The following RIMS1 variants were observed in gnomAD, a reference collection of about 807,000 sequenced individuals.
The protein encoded by RIMS1 is regulating synaptic membrane exocytosis protein 1.
Under a neutral mutation model 214.1 loss-of-function variants are expected in RIMS1, and 83 were observed. The observed-to-expected ratio is 0.39, with a 90% CI of 0.32 to 0.47. The LOEUF (loss-of-function observed/expected upper bound fraction) is 0.47, where lower values mean the gene tolerates loss of function less well. Ranked by LOEUF, RIMS1 falls within the 20% of genes least tolerant of loss-of-function variation. RIMS1 has a pLI of 0.99. For synonymous variants in RIMS1, 793 were observed against 786.8 expected, an observed-to-expected ratio of 1.01 and a Z score of -0.13; for missense variants, 2,050 against 2,161.8, an observed-to-expected ratio of 0.95 and a Z score of 1.03.
chr6:72,044,498 A>G (rs565701892), intron 2 of RIMS1, among the ~76,000 whole-genome samples: 1 of 152,012 alleles, frequency 6.6e-6, no homozygotes, highest in Non-Finnish European at 1.5e-5. Context: ...TAAAAGACAT[A>G]TACCAAAAAT....
rs748965122 is a variant in RIMS1 at position 72,259,036 on chromosome 6, A to T, written c.2978A>T (p.His993Leu). The change falls in exon 18 of 34, where the codon CAC becomes CTC. Residue 993 changes from histidine (H) to leucine (L), a missense_variant. Transcript: ENST00000521978. ...AGAAGGTCACGTTCTCCAACCAGAC[A>T]CCATGATGCCTCCCGAAGTCCAGTT... ...PTRRSRSPTRHHDASRSPVDH... is the reference protein window; with the variant it reads ...PTRRSRSPTRLHDASRSPVDH... 1 of 1,612,386 alleles carries T rather than the reference A, an allele frequency of 6.2e-7. No individual in the cohort carries two copies. Among genetic ancestry groups the T allele is most frequent in the Admixed American group, 1.7e-5 (1 of 59,974 alleles).
intron 2 of RIMS1, 33 bp from the exon 3 acceptor site, chr6:72,096,916 A>G: frequency 6.5e-7 from 1 of 1,545,940 alleles, no homozygotes. Flanking sequence ...TCCACTATTT[A>G]CTTAGTTTGC....
intron 16 of RIMS1, among the ~76,000 whole-genome samples, chr6:72,253,055 T>A (rs749888656): frequency 7.9e-5 from 12 of 152,212 alleles, no homozygotes; most frequent in Non-Finnish European, 1.6e-4. Flanking sequence ...CGTAGAAACA[T>A]GTCTAACTAG....
intron 27 of RIMS1, among the ~76,000 whole-genome samples, chr6:72,311,419 A>G (rs992322905): frequency 1.3e-5 from 2 of 152,228 alleles, no homozygotes; most frequent in Non-Finnish European, 2.9e-5. Context: ...GTTATTAAAT[A>G]TAACTGAATT....
intron 1 of RIMS1, among the ~76,000 whole-genome samples, chr6:71,949,414 T>G (rs762202538): frequency 1.3e-5 from 2 of 152,148 alleles, no homozygotes; most frequent in Non-Finnish European, 2.9e-5. Flanking sequence ...AAATACATTT[T>G]TTGCAAGCAA....
At chr6:72,187,820 T>G (rs1297643891) in intron 6 of RIMS1, among the ~76,000 whole-genome samples, 2 of 152,004 alleles carry the variant, frequency 1.3e-5, no homozygotes, top group Non-Finnish European at 2.9e-5. Context: ...GATTGATATG[T>G]GTATTAGGGT....
intron 2 of RIMS1, among the ~76,000 whole-genome samples, chr6:72,046,805 T>C (rs1041763210): frequency 6.6e-6 from 1 of 152,150 alleles, no homozygotes; most frequent in Admixed American, 6.6e-5. Flanking sequence ...TCTGCGACTA[T>C]TTTAACAACT....
chr6:72,244,097 T>C (rs1283371749), intron 10 of RIMS1, among the ~76,000 whole-genome samples: 1 of 151,682 alleles, frequency 6.6e-6, no homozygotes, highest in East Asian at 1.9e-4. Flanking sequence ...TTATTCATAA[T>C]GTAGTGGCAT....
chr6:71,990,560 C>A (rs1393535333), intron 2 of RIMS1, among the ~76,000 whole-genome samples: 1 of 151,878 alleles, frequency 6.6e-6, no homozygotes, highest in African/African-American at 2.4e-5. Flanking sequence ...TCTCTGTGTG[C>A]CCTGCATGAC....
chr6:72,182,536 C>T lies in RIMS1; in HGVS notation c.1065C>T (p.Tyr355=). Residue 355 remains tyrosine, a synonymous_variant, in exon 6 of 34, where the codon TAC becomes TAT. Transcript: ENST00000521978. Reference sequence around the variant, plus strand: ...AAGAGGAGGATTATCAGACCAGGTACCGCAGCGACCCGAACCTAGCTCGGT... The same window carrying T: ...AAGAGGAGGATTATCAGACCAGGTATCGCAGCGACCCGAACCTAGCTCGGT... The part of the protein sequence containing the change: ...QRKEEDYQTR[Y]RSDPNLARYP... The T allele has an allele frequency of 1.3e-6, 2 of 1,560,274 alleles. No homozygotes were observed. The highest frequency in any genetic ancestry group is 1.7e-6 in the Non-Finnish European group (2 of 1,152,948).
intron 4 of RIMS1, among the ~76,000 whole-genome samples, chr6:72,126,310 A>G (rs1425849163): frequency 1.3e-5 from 2 of 152,224 alleles, no homozygotes; most frequent in African/African-American, 2.4e-5. Context: ...ACCTGAAACC[A>G]TAAGTATTCT....
chr6:72,242,471 TA>T, intron 10 of RIMS1, 34 bp downstream of exon 10: 1 of 1,451,602 alleles, frequency 6.9e-7, no homozygotes, highest in Non-Finnish European at 9.3e-7. Context: ...TTAAGTTTAG[TA>T]AATTACATGT....
At chr6:71,911,997 A>G (rs1156476964) in intron 1 of RIMS1, among the ~76,000 whole-genome samples, 7 of 152,126 alleles carry the variant, frequency 4.6e-5, no homozygotes, top group Admixed American at 3.9e-4. Context: ...AAACTTTTGT[A>G]TTCAGTATCA....
intron 6 of RIMS1, among the ~76,000 whole-genome samples, chr6:72,220,183 G>A (rs912929145): frequency 7.2e-5 from 11 of 152,076 alleles, no homozygotes; most frequent in Non-Finnish European, 1.3e-4. Context: ...ACCTGCAAGA[G>A]AGGATAATTC....
At chr6:72,241,196 A>G (rs1466086793) in intron 9 of RIMS1, among the ~76,000 whole-genome samples, 1 of 152,214 alleles carries the variant, frequency 6.6e-6, no homozygotes, top group Non-Finnish European at 1.5e-5. Flanking sequence ...TATACATTGA[A>G]AAGATTTTAT....
chr6:72,245,091 A>G (rs1009851219), intron 10 of RIMS1, among the ~76,000 whole-genome samples: 1 of 152,018 alleles, frequency 6.6e-6, no homozygotes, highest in East Asian at 1.9e-4. Flanking sequence ...TGGGTAATGG[A>G]TTAAGTTGAG....
At chr6:72,116,395 C>T (rs1049414805) in intron 4 of RIMS1, among the ~76,000 whole-genome samples, 1 of 151,912 alleles carries the variant, frequency 6.6e-6, no homozygotes, top group African/African-American at 2.4e-5. Context: ...AGAGAACTAG[C>T]TCAAAGACCA....
intron 24 of RIMS1, among the ~76,000 whole-genome samples, chr6:72,285,276 G>A (rs1199346636): frequency 6.6e-6 from 1 of 152,176 alleles, no homozygotes; most frequent in Non-Finnish European, 1.5e-5. Context: ...GTAGATCAAA[G>A]GATCTAGGGG....
At chr6:72,349,116 T>G (rs1213408925) in intron 29 of RIMS1, among the ~76,000 whole-genome samples, 1 of 151,958 alleles carries the variant, frequency 6.6e-6, no homozygotes, top group Non-Finnish European at 1.5e-5. Context: ...GTGATACTCA[T>G]TACAAAATCA....
Sources: gnomAD v4.1 joint callset for allele counts (sites outside exome capture counted in the v4.1 genomes callset) on GRCh38, gnomAD v4.1.1 for gene constraint, MANE v1.5 for transcripts, NCBI Gene and HGNC (gene_info 2026-07-23, HGNC 2026-07-21) for gene names.